The following UNC13C variants were observed in gnomAD, a reference collection of about 807,000 sequenced individuals.
UNC13C encodes the protein protein unc-13 homolog C.
A neutral mutation model predicts 245.4 loss-of-function variants in UNC13C; 174 were observed. The ratio of observed to expected loss-of-function variants is 0.71; its 90% CI spans 0.63 to 0.80. The LOEUF is 0.80. Among genes scored for constraint, UNC13C ranks in the 30% least tolerant of loss-of-function variants. The pLI is 0.00. For synonymous variants in UNC13C, 992 were observed against 895.1 expected (o/e 1.11, Z -1.93); for missense variants, 2,829 against 2,602.9 (o/e 1.09, Z -1.89).
intron 2 of UNC13C, among the ~76,000 whole-genome samples, chr15:54,118,181 A>G (rs1316684946): frequency 1.3e-5 from 2 of 150,716 alleles, no homozygotes; most frequent in Non-Finnish European, 3.0e-5. Flanking sequence ...TGTTTTTTCT[A>G]TTTTTGTGAA....
At chr15:54,625,346 A>G (rs1901066068) in intron 32 of UNC13C, among the ~76,000 whole-genome samples, 1 of 152,146 alleles carries the variant, frequency 6.6e-6, no homozygotes, top group Non-Finnish European at 1.5e-5. Context: ...CAAACAGCAA[A>G]AAGGAGGGTG....
At chr15:54,212,621 A>C (rs2034917773) in intron 4 of UNC13C, among the ~76,000 whole-genome samples, 1 of 152,034 alleles carries the variant, frequency 6.6e-6, no homozygotes, top group South Asian at 2.1e-4. Flanking sequence ...TCCCAAATCT[A>C]CATAGTTTTT....
At chr15:53,961,192 A>G in the UNC13C span, among the ~76,000 whole-genome samples, 1 of 152,220 alleles carries the variant, frequency 6.6e-6, no homozygotes, top group Admixed American at 6.5e-5. Flanking sequence ...CCAATACAGC[A>G]TGGCCCAGCA....
intron 2 of UNC13C, among the ~76,000 whole-genome samples, chr15:54,056,483 A>G (rs970069950): frequency 1.3e-5 from 2 of 152,192 alleles, no homozygotes; most frequent in Non-Finnish European, 2.9e-5. Flanking sequence ...TCTACATCTA[A>G]TTGGTGTACC....
At chr15:54,421,808 C>CATTT (rs2040650808) in intron 19 of UNC13C, among the ~76,000 whole-genome samples, 1 of 151,936 alleles carries the variant, frequency 6.6e-6, no homozygotes. Flanking sequence ...CACAAATATT[C>CATTT]ATTTAATTTT....
rs559093177 is a variant in UNC13C, at chr15:54,293,257, C to T, written c.3819-638C>T. On this transcript the variant is annotated intron_variant, in intron 10 of 32. Transcript: ENST00000260323. Reference sequence around the variant, plus strand: ...TAGGGAAGAGTGTATACAAAAACCACAGTGTCAGAAAAGACCATAATATGT... The same window carrying T: ...TAGGGAAGAGTGTATACAAAAACCATAGTGTCAGAAAAGACCATAATATGT... Among the ~76,000 whole-genome samples, 5 of 152,016 alleles carry T rather than the reference C, an allele frequency of 3.3e-5. No homozygotes were observed. The South Asian group carries it at 1.0e-3, about 32-fold the overall frequency.
intron 13 of UNC13C, among the ~76,000 whole-genome samples, chr15:54,319,171 T>A (rs1224473582): frequency 1.3e-5 from 2 of 151,880 alleles, no homozygotes; most frequent in Non-Finnish European, 2.9e-5. Context: ...GACTATGGCA[T>A]TTCTATATCT....
intron 1 of UNC13C, among the ~76,000 whole-genome samples, chr15:53,989,405 T>TA (rs560944256): frequency 0.021 from 3,122 of 146,058 alleles, 29 homozygotes; most frequent in Middle Eastern, 0.035. Flanking sequence ...TTCGTGGATT[T>TA]AAAAAAAAAA....
intron 16 of UNC13C, among the ~76,000 whole-genome samples, chr15:54,336,274 A>G (rs2038572784): frequency 6.6e-6 from 1 of 152,056 alleles, no homozygotes. Flanking sequence ...ATTACCTCAC[A>G]AAGTTATCAT....
chr15:54,254,053 C>T (rs899434475), intron 8 of UNC13C, among the ~76,000 whole-genome samples: 7 of 152,214 alleles, frequency 4.6e-5, no homozygotes, highest in African/African-American at 1.4e-4. Flanking sequence ...TACGTGCTTT[C>T]TACTGACATT....
intron 30 of UNC13C, among the ~76,000 whole-genome samples, chr15:54,615,462 C>T (rs1473189703): frequency 5.3e-5 from 8 of 151,990 alleles, no homozygotes; most frequent in Admixed American, 5.3e-4. Flanking sequence ...CATCCTGATG[C>T]TCTCATCCTT....
At chr15:54,424,017 C>T (rs2040706139) in intron 19 of UNC13C, among the ~76,000 whole-genome samples, 1 of 151,702 alleles carries the variant, frequency 6.6e-6, no homozygotes, top group South Asian at 2.1e-4. Flanking sequence ...ATTTACATGT[C>T]ATGGCCTTAG....
chr15:53,922,265 G>A, the UNC13C span, among the ~76,000 whole-genome samples: 46 of 152,246 alleles, frequency 3.0e-4, no homozygotes, highest in Middle Eastern at 3.4e-3. Flanking sequence ...AATACCAATT[G>A]TGTCAATCTG....
rs75651435 is a variant in UNC13C, at chr15:54,258,284, G to A, written c.3449-5884G>A. 6.1e-3 allele frequency among the ~76,000 whole-genome samples: 926 copies of A among 152,066 alleles called. 7 individuals are homozygous for A. Among genetic ancestry groups the A allele is most frequent in the Non-Finnish European group, 9.6e-3 (650 of 67,998 alleles). ...GAGCATCCAGCATACTGCAGACACC[G>A]TCCGCGTGAGAGTTTTCCAGTTGTT... On this transcript the variant is annotated intron_variant, in intron 8 of 32. Transcript: ENST00000260323.
chr15:54,269,636 A>T (rs2140898539), intron 10 of UNC13C, among the ~76,000 whole-genome samples: 1 of 152,304 alleles, frequency 6.6e-6, no homozygotes, highest in South Asian at 2.1e-4. Flanking sequence ...CGCAGTGCTC[A>T]TCCAGACCAG....
chr15:54,488,481 G>A (rs1352097420), intron 19 of UNC13C, among the ~76,000 whole-genome samples: 1 of 152,124 alleles, frequency 6.6e-6, no homozygotes, highest in Non-Finnish European at 1.5e-5. Context: ...ATGTCACAAA[G>A]TAAGGACTGA....
intron 19 of UNC13C, among the ~76,000 whole-genome samples, chr15:54,446,608 T>G (rs575669881): frequency 6.6e-6 from 1 of 152,342 alleles, no homozygotes; most frequent in Admixed American, 6.5e-5. Flanking sequence ...TATTGGTGTA[T>G]AAGAATGCTT....
chr15:54,296,677 A>G (rs1411899023), intron 11 of UNC13C, among the ~76,000 whole-genome samples: 1 of 152,178 alleles, frequency 6.6e-6, no homozygotes, highest in African/African-American at 2.4e-5. Context: ...GAGGGAAGTC[A>G]TCTTCATGGT....
chr15:54,187,658 C>T (rs1179492943), intron 4 of UNC13C, among the ~76,000 whole-genome samples: 1 of 152,138 alleles, frequency 6.6e-6, no homozygotes, highest in Non-Finnish European at 1.5e-5. Flanking sequence ...TCGGTGACAA[C>T]ATGATTTTTT....
Sources: allele counts gnomAD v4.1 joint callset (sites outside exome capture counted in the v4.1 genomes callset), GRCh38; gene constraint gnomAD v4.1.1; transcripts MANE v1.5; gene names NCBI Gene and HGNC (gene_info 2026-07-23, HGNC 2026-07-21).